The following NIFK variants were observed in gnomAD, a reference collection of about 807,000 sequenced individuals.
NIFK encodes the protein nucleolar protein interacting with the FHA domain of MKI67.
A neutral mutation model predicts 31.7 loss-of-function variants in NIFK; 16 were observed. The observed-to-expected ratio is 0.50, with a 90% confidence interval of 0.34 to 0.77. The LOEUF (loss-of-function observed/expected upper bound fraction) is 0.77. Ranked by LOEUF, NIFK falls within the 30% of genes least tolerant of loss-of-function variation. NIFK has a pLI of 0.01. For synonymous variants in NIFK, 126 were observed against 123.0 expected (o/e 1.02, Z -0.16); for missense variants, 341 against 350.4 (o/e 0.97, Z 0.21).
At chr2:121,735,962 T>A (rs188361999) in intron 1 of NIFK, among the ~76,000 whole-genome samples, 55 of 152,286 alleles carry the variant, frequency 3.6e-4, no homozygotes, top group Non-Finnish European at 2.2e-4. Flanking sequence ...GCACCCAGTA[T>A]AATATTAGAG....
intron 1 of NIFK, among the ~76,000 whole-genome samples, chr2:121,736,106 C>A (rs2074577445): frequency 6.6e-6 from 1 of 152,198 alleles, no homozygotes; most frequent in Non-Finnish European, 1.5e-5. Context: ...CGCACTTCAT[C>A]GAAAAATTTT....
intron 2 of NIFK, among the ~76,000 whole-genome samples, chr2:121,733,803 T>C (rs1397739851): frequency 6.6e-6 from 1 of 152,354 alleles, no homozygotes; most frequent in South Asian, 2.1e-4. Context: ...TATGCTTACA[T>C]GCATATGTAT....
chr2:121,735,107 T>C (rs2074569970), intron 2 of NIFK, among the ~76,000 whole-genome samples: 1 of 152,214 alleles, frequency 6.6e-6, no homozygotes, highest in Non-Finnish European at 1.5e-5. Context: ...TAGTGTTTAT[T>C]GTGTACCAAG....
intron 4 of NIFK, chr2:121,730,322 C>T: frequency 6.5e-6 from 1 of 154,824 alleles, no homozygotes; most frequent in Non-Finnish European, 1.4e-5. Flanking sequence ...CACCTGAGGT[C>T]AGGAGTTCAA....
chr2:121,729,407 T>C (rs1204114659), intron 4 of NIFK, among the ~76,000 whole-genome samples: 1 of 151,182 alleles, frequency 6.6e-6, no homozygotes, highest in African/African-American at 2.4e-5. Context: ...GACCTTTACC[T>C]ATACTAGCCA....
rs1346451329 is a variant in NIFK at position 121,728,463 on chromosome 2, A to C, written c.624+14T>G. ...TCTAATATCTTGCATGTAAAATGATAAAAAAAATTTTACCTGGCCTTTTGT... is the reference window on the plus strand; with the variant it reads ...TCTAATATCTTGCATGTAAAATGATCAAAAAAATTTTACCTGGCCTTTTGT... On this transcript the variant is annotated intron_variant, in intron 5 of 6. Transcript: ENST00000285814. 6.4e-7 allele frequency: 1 copy of C among 1,560,008 alleles called. No homozygotes were observed. Among genetic ancestry groups the C allele is most frequent in the Admixed American group, 1.9e-5 (1 of 52,636 alleles).
At chr2:121,736,419 G>C (rs1259869879) in intron 1 of NIFK, among the ~76,000 whole-genome samples, 1 of 152,198 alleles carries the variant, frequency 6.6e-6, no homozygotes, top group Admixed American at 6.5e-5. Context: ...TGTGGTATAG[G>C]AGCCTATTCC....
intron 3 of NIFK, among the ~76,000 whole-genome samples, chr2:121,731,594 T>C (rs2074540205): frequency 6.6e-6 from 1 of 152,216 alleles, no homozygotes; most frequent in Non-Finnish European, 1.5e-5. Flanking sequence ...CGGAACTCGC[T>C]GACTTAGAAG....
chr2:121,736,450 T>C (rs541584426), intron 1 of NIFK, among the ~76,000 whole-genome samples: 69 of 152,372 alleles, frequency 4.5e-4, no homozygotes, highest in Non-Finnish European at 8.1e-4. Flanking sequence ...TTCTTTCTAC[T>C]GCTTCTGTCA....
In NIFK at chr2:121,736,795, T is replaced by A. The variant is rs1455475373; in HGVS notation, c.56A>T (p.Asp19Val). The A allele has an allele frequency of 6.2e-7, 1 of 1,614,162 alleles. No homozygotes were observed. Among genetic ancestry groups the A allele is most frequent in the South Asian group, 1.1e-5 (1 of 91,088 alleles). Residue 19 changes from aspartate to valine, a missense_variant, in exon 1 of 7, where the codon GAT becomes GTT. By Grantham distance (152) the Asp-to-Val change is radical. Transcript: ENST00000285814. ...CGCCACCTCCTTTTGAAACTCGACA[T>A]CTTCCTGCGGATTAAGCGACAGGAT... ...GPILSLNPQE[D>V]VEFQKEVAQV...
At chr2:121,735,101 G>A (rs1258312660) in intron 2 of NIFK, among the ~76,000 whole-genome samples, 2 of 152,160 alleles carry the variant, frequency 1.3e-5, no homozygotes, top group African/African-American at 4.8e-5. Flanking sequence ...CTTATATAGT[G>A]TTTATTGTGT....
In NIFK at chr2:121,727,463, G is replaced by A. The variant is rs149701170; in HGVS notation, c.*261C>T. ...ATCCAGGCAGAGTAAACTAAGGAGA[G>A]CTATGAAATATCAAAAGAAAACTAG... is the stretch of plus-strand genomic sequence containing the variant. On this transcript the variant is annotated 3_prime_UTR_variant, in exon 7 of 7. Transcript: ENST00000285814. 189 of 621,612 alleles carry A rather than the reference G, an allele frequency of 3.0e-4. No individual in the cohort carries two copies. The highest frequency in any genetic ancestry group is 2.7e-3 in the African/African-American group (148 of 55,348). 38.5% of individuals were successfully genotyped at this position (621,612 alleles called of 1,614,324 possible).
intron 3 of NIFK, 34 bp from the exon 4 acceptor site, chr2:121,731,138 T>A (rs1456752420): frequency 7.8e-7 from 1 of 1,287,890 alleles, no homozygotes; most frequent in East Asian, 2.3e-5. Context: ...TAAAGGTATT[T>A]TAATGTTAAC....
rs2074546457 is a variant in NIFK, at chr2:121,732,205, C to A, written c.244-1G>T. The A allele has an allele frequency of 6.3e-7, 1 of 1,590,696 alleles. No homozygotes were observed. Among genetic ancestry groups the A allele is most frequent in the Non-Finnish European group, 8.6e-7 (1 of 1,161,150 alleles). ...ATGCATAGCCTTTGCTATTTCCAGTCTGCAACAGAGAAACCGCCACAAAAA... is the reference window on the plus strand; with the variant it reads ...ATGCATAGCCTTTGCTATTTCCAGTATGCAACAGAGAAACCGCCACAAAAA... On this transcript the variant is annotated splice_acceptor_variant, in intron 2 of 6. Transcript: ENST00000285814. LOFTEE classifies it high-confidence loss of function.
chr2:121,730,863 A>T, intron 4 of NIFK, 30 bp downstream of exon 4: 1 of 1,542,964 alleles, frequency 6.5e-7, no homozygotes, highest in South Asian at 1.1e-5. Context: ...CCCCACAACA[A>T]ACCACAAAAA....
chr2:121,729,421 C>A (rs2074520559), intron 4 of NIFK, among the ~76,000 whole-genome samples: 4 of 151,206 alleles, frequency 2.6e-5, no homozygotes, highest in Admixed American at 2.6e-4. Context: ...CTAGCCATAC[C>A]ATAATAAGCT....
rs545750282 is a variant in NIFK, at chr2:121,729,273, C to T, written c.565-737G>A. ...TCCCAGCTACTCGTGGGGGCTGAGG[C>T]AGGAGAATCGCTTGAACCTGGGAGG... On this transcript the variant is annotated intron_variant, in intron 4 of 6. Coordinates refer to ENST00000285814, the MANE Select transcript of NIFK (RefSeq NM_032390.5). 2.1e-4 allele frequency among the ~76,000 whole-genome samples: 32 copies of T among 149,274 alleles called. 1 individual carries two copies. The highest frequency in any genetic ancestry group is 6.2e-4 in the African/African-American group (25 of 40,392).
chr2:121,732,147 T>G lies in NIFK; in HGVS notation c.301A>C (p.Ile101Leu). Residue 101 changes from isoleucine (I) to leucine (L), a missense_variant, in exon 3 of 7, where the codon ATA becomes CTA. By Grantham distance (5) the Ile-to-Leu change is conservative. Coordinates refer to ENST00000285814, the MANE Select transcript of NIFK (RefSeq NM_032390.5). ...VEFESEDVAK[I>L]VAETMNNYLF... ...TAGTTGTTCATTGTTTCAGCAACTA[T>G]TTTGGCAACATCCTCAGACTCAAAC... 6.2e-7 allele frequency: 1 copy of G among 1,613,662 alleles called. No individual in the cohort carries two copies. The highest frequency in any genetic ancestry group is 1.7e-5 in the Admixed American group (1 of 60,014).
chr2:121,735,666 A>G lies in NIFK; in HGVS notation c.190T>C (p.Tyr64His), dbSNP rs754229937. Reference sequence around the variant, plus strand: ...GTCACAGTGCCAAACTGGGAGAAATATGAAAAGATCTGGGTTTCGTCAAGT... The same window carrying G: ...GTCACAGTGCCAAACTGGGAGAAATGTGAAAAGATCTGGGTTTCGTCAAGT... ...NLLDETQIFS[Y>H]FSQFGTVTRF... Residue 64 changes from tyrosine (Y) to histidine (H), a missense_variant, in exon 2 of 7, where the codon TAT becomes CAT. Transcript: ENST00000285814. 6.2e-6 allele frequency: 10 copies of G among 1,612,684 alleles called. No individual in the cohort carries two copies. The highest frequency in any genetic ancestry group is 7.6e-6 in the Non-Finnish European group (9 of 1,179,940).
Sources: gnomAD v4.1 joint callset for allele counts (sites outside exome capture counted in the v4.1 genomes callset) on GRCh38, gnomAD v4.1.1 for gene constraint, MANE v1.5 for transcripts, NCBI Gene and HGNC (gene_info 2026-07-23, HGNC 2026-07-21) for gene names.